Variants in PTPRN2 observed in about 807,000 individuals in gnomAD.
PTPRN2 encodes the protein receptor-type tyrosine-protein phosphatase N2.
PTPRN2 carries 74 observed loss-of-function variants against 118.8 expected under a neutral mutation model. That is an observed-to-expected ratio of 0.62 (90% CI 0.52 to 0.76). The LOEUF (loss-of-function observed/expected upper bound fraction) is 0.76. PTPRN2 is among the 30% of genes least tolerant of loss of function. The pLI is 0.00. For missense variants in PTPRN2, 1,481 were observed against 1,394.4 expected, an observed-to-expected ratio of 1.06 and a Z score of -0.99; for synonymous variants, 641 against 608.0, an observed-to-expected ratio of 1.05 and a Z score of -0.80.
chr7:157,996,537 G>A (rs1435041289), intron 11 of PTPRN2, among the ~76,000 whole-genome samples: 1 of 152,192 alleles, frequency 6.6e-6, no homozygotes, highest in South Asian at 2.1e-4. Flanking sequence ...CTTCCAAGGC[G>A]GGCAGCTCCT....
intron 2 of PTPRN2, among the ~76,000 whole-genome samples, chr7:158,445,507 G>T (rs988403914): frequency 6.6e-6 from 1 of 152,172 alleles, no homozygotes; most frequent in African/African-American, 2.4e-5. Context: ...CAGTGACCCC[G>T]CGGCCTCTCG....
intron 21 of PTPRN2, among the ~76,000 whole-genome samples, chr7:157,566,785 C>T (rs889810637): frequency 1.3e-5 from 2 of 152,234 alleles, no homozygotes; most frequent in African/African-American, 2.4e-5. Context: ...CCAGGACATA[C>T]TTCTCCATGT....
In PTPRN2 at chr7:157,552,799, G is replaced by A. The variant is rs143323719; in HGVS notation, c.2903-3780C>T. Among the ~76,000 whole-genome samples, 297 of 152,324 alleles carry A rather than the reference G, an allele frequency of 1.9e-3. 4 individuals carry two copies. The East Asian group carries it at 0.02, about 10-fold the overall frequency. ...CTACAGTGCTGAGGTGTGGGTTTCC[G>A]CTCCGCGTGCCTATGCTGGGCCTGG... On this transcript the variant is annotated intron_variant, in intron 21 of 22. Coordinates refer to ENST00000389418, the MANE Select transcript of PTPRN2 (RefSeq NM_002847.5).
chr7:157,713,944 G>A (rs1467694055), intron 12 of PTPRN2, among the ~76,000 whole-genome samples: 5 of 152,320 alleles, frequency 3.3e-5, no homozygotes, highest in Non-Finnish European at 5.9e-5. Flanking sequence ...AATGGCAGCC[G>A]CGAAGCTCTG....
chr7:157,959,635 A>T (rs1442329953), intron 11 of PTPRN2, among the ~76,000 whole-genome samples: 1 of 152,196 alleles, frequency 6.6e-6, no homozygotes, highest in Non-Finnish European at 1.5e-5. Flanking sequence ...GAGCCATGAG[A>T]TGCCACTTCA....
rs144733202 is a variant in PTPRN2 at position 158,020,198 on chromosome 7, C to T, written c.1723+61100G>A. 5.9e-3 allele frequency among the ~76,000 whole-genome samples: 898 copies of T among 152,240 alleles called. 5 individuals are homozygous for T. Among genetic ancestry groups the T allele is most frequent in the African/African-American group, 0.02 (844 of 41,568 alleles). On this transcript the variant is annotated intron_variant, in intron 11 of 22. Coordinates refer to ENST00000389418, the MANE Select transcript of PTPRN2 (RefSeq NM_002847.5). ...GTTATTGCTGCCACTGTCATTATCA[C>T]TGTGGCTCTGTGAGTTACACCTGTG...
At chr7:158,229,347 C>G (rs768232370) in intron 3 of PTPRN2, among the ~76,000 whole-genome samples, 1 of 152,018 alleles carries the variant, frequency 6.6e-6, no homozygotes, top group Non-Finnish European at 1.5e-5. Context: ...AGACACACAT[C>G]AACAAGAAAC....
chr7:157,735,300 C>A (rs1800233867), intron 12 of PTPRN2, among the ~76,000 whole-genome samples: 1 of 152,218 alleles, frequency 6.6e-6, no homozygotes, highest in African/African-American at 2.4e-5. Flanking sequence ...TGATGAGTCC[C>A]TTTGGTAAAG....
chr7:157,623,213 G>C (rs78120889), intron 14 of PTPRN2, among the ~76,000 whole-genome samples: 2,408 of 152,310 alleles, frequency 0.016, 69 homozygotes, highest in African/African-American at 0.054. Context: ...TAATATTTAA[G>C]TTTTGTGAAA....
intron 2 of PTPRN2, among the ~76,000 whole-genome samples, chr7:158,347,903 G>T (rs560491007): frequency 3.3e-5 from 5 of 152,136 alleles, no homozygotes; most frequent in Non-Finnish European, 7.4e-5. Context: ...GGAGGTTGTG[G>T]CATTTGCTTG....
At chr7:158,094,865 G>A (rs1223285264) in intron 10 of PTPRN2, among the ~76,000 whole-genome samples, 1 of 152,160 alleles carries the variant, frequency 6.6e-6, no homozygotes, top group African/African-American at 2.4e-5. Context: ...ATCCCTCAGG[G>A]TCTCCTGGGC....
intron 3 of PTPRN2, among the ~76,000 whole-genome samples, chr7:158,243,777 A>G (rs1308727901): frequency 8.3e-6 from 1 of 120,750 alleles, no homozygotes; most frequent in Non-Finnish European, 1.9e-5. Flanking sequence ...CTAAGTACTA[A>G]GCACTAGTCA....
intron 1 of PTPRN2, among the ~76,000 whole-genome samples, chr7:158,550,766 C>T (rs551744124): frequency 1.3e-5 from 2 of 152,332 alleles, no homozygotes; most frequent in South Asian, 4.1e-4. Context: ...ACCTGACTTC[C>T]TACTAAGTGT....
intron 9 of PTPRN2, among the ~76,000 whole-genome samples, chr7:158,132,046 C>G (rs909000863): frequency 2.0e-5 from 3 of 151,796 alleles, no homozygotes; most frequent in Non-Finnish European, 4.4e-5. Context: ...CATACACACA[C>G]AAATATGCAC....
intron 2 of PTPRN2, among the ~76,000 whole-genome samples, chr7:158,356,629 G>T (rs1045658638): frequency 1.3e-5 from 2 of 152,060 alleles, no homozygotes; most frequent in Non-Finnish European, 2.9e-5. Flanking sequence ...GGCTGATGCT[G>T]AGCAGGCACC....
rs919150132 is a variant in PTPRN2 at position 158,538,051 on chromosome 7, T to C, written c.113-48266A>G. Among the ~76,000 whole-genome samples the C allele has an allele frequency of 2.0e-4, 31 of 152,244 alleles. 2 individuals are homozygous for C. On this transcript the variant is annotated intron_variant, in intron 1 of 22. Coordinates refer to ENST00000389418, the MANE Select transcript of PTPRN2 (RefSeq NM_002847.5). ...TTCTTCTAGATTTGGAAGCAAAATC[T>C]GGCTTTCCAAGCACGGAAGGAGTAG...
chr7:158,375,686 A>G (rs540469604), intron 2 of PTPRN2, among the ~76,000 whole-genome samples: 1 of 152,316 alleles, frequency 6.6e-6, no homozygotes, highest in African/African-American at 2.4e-5. Flanking sequence ...CCTATCCTGT[A>G]CCCATGTAAA....
intron 2 of PTPRN2, among the ~76,000 whole-genome samples, chr7:158,406,924 T>C (rs1026171117): frequency 6.6e-5 from 10 of 152,202 alleles, no homozygotes; most frequent in Admixed American, 1.3e-4. Flanking sequence ...AGGAAAATGC[T>C]GTAAATACTG....
chr7:158,166,951 T>G lies in PTPRN2; in HGVS notation c.890A>C (p.Asp297Ala). The change falls in exon 6 of 23, where the codon GAC becomes GCC. Residue 297 changes from aspartate to alanine, a missense_variant. Transcript: ENST00000389418. ...KWPSPLGDSE[D>A]PSSTGDGARI... Reference sequence around the variant, plus strand: ...CTCACCATCGCCTGTGCTGGAGGGGTCTTCGGAATCTCCCAGAGGTGAAGG... The same window carrying G: ...CTCACCATCGCCTGTGCTGGAGGGGGCTTCGGAATCTCCCAGAGGTGAAGG... 2.1e-6 allele frequency: 3 copies of G among 1,439,096 alleles called. No homozygotes were observed. Among genetic ancestry groups the G allele is most frequent in the Non-Finnish European group, 2.7e-6 (3 of 1,091,122 alleles). 89.1% of individuals were successfully genotyped at this position (1,439,096 alleles called of 1,614,324 possible). A position where few individuals can be genotyped will look rare whatever the true frequency, so the allele number is the denominator to read the frequency against.
Sources: allele counts gnomAD v4.1 joint callset (sites outside exome capture counted in the v4.1 genomes callset), GRCh38; gene constraint gnomAD v4.1.1; transcripts MANE v1.5; gene names NCBI Gene and HGNC (gene_info 2026-07-23, HGNC 2026-07-21).